Variants in CDH4 observed in about 807,000 individuals in gnomAD.
CDH4 encodes cadherin-4.
In CDH4, 33 loss-of-function variants were observed where a neutral mutation model predicts 86.0. The observed-to-expected ratio is 0.38, with a 90% CI of 0.29 to 0.51. The LOEUF is 0.51. Among genes scored for constraint, CDH4 ranks in the 20% least tolerant of loss-of-function variants. The pLI is 0.86. For missense variants in CDH4, 1,114 were observed against 1,307.4 expected, an observed-to-expected ratio of 0.85 and a Z score of 2.28; for synonymous variants, 555 against 549.4, an observed-to-expected ratio of 1.01 and a Z score of -0.14.
intron 9 of CDH4, among the ~76,000 whole-genome samples, chr20:61,910,858 C>T (rs1891920984): frequency 6.6e-6 from 1 of 152,168 alleles, no homozygotes; most frequent in Admixed American, 6.5e-5. Context: ...TATATTCACT[C>T]CCACCCCCTA....
intron 2 of CDH4, among the ~76,000 whole-genome samples, chr20:61,301,959 C>CA (rs2084388377): frequency 1.3e-5 from 2 of 152,250 alleles, no homozygotes; most frequent in Non-Finnish European, 2.9e-5. Context: ...TTACGCCATA[C>CA]TTCCGTTGCT....
intron 2 of CDH4, among the ~76,000 whole-genome samples, chr20:61,358,842 C>A (rs548483483): frequency 2.0e-5 from 3 of 152,148 alleles, no homozygotes; most frequent in Non-Finnish European, 4.4e-5. Context: ...CCACGGAAAC[C>A]GTTCCCTCTA....
chr20:61,749,048 C>A (rs1324979180), intron 3 of CDH4, among the ~76,000 whole-genome samples: 1 of 148,692 alleles, frequency 6.7e-6, no homozygotes, highest in Non-Finnish European at 1.5e-5. Flanking sequence ...GAAATAAATA[C>A]CATGCAAGTA....
intron 2 of CDH4, among the ~76,000 whole-genome samples, chr20:61,345,208 G>T (rs2084671699): frequency 6.6e-6 from 1 of 152,194 alleles, no homozygotes; most frequent in Non-Finnish European, 1.5e-5. Context: ...CTCACTGCTG[G>T]CATGTTTGCA....
At position 61,703,926 on chromosome 20, in the gene CDH4, G is replaced by A. The variant is rs957792040; in HGVS notation, c.170-39637G>A. ...TTAAATTTTTCCAATAAAATGAAAA[G>A]GTTGAGCTGGAGCAGAGGCAGGGGT... On this transcript the variant is annotated intron_variant, in intron 2 of 15. Transcript: ENST00000614565. The surrounding 1 kb of genome is among the most constrained non-coding windows in gnomAD (Gnocchi z 4.3). 6.6e-6 allele frequency among the ~76,000 whole-genome samples: 1 copy of A among 152,168 alleles called. No individual in the cohort carries two copies. The highest frequency in any genetic ancestry group is 6.5e-5 in the Admixed American group (1 of 15,284).
chr20:61,736,662 GGAGA>G (rs1242170000), intron 2 of CDH4, among the ~76,000 whole-genome samples: 1 of 77,116 alleles, frequency 1.3e-5, no homozygotes, highest in African/African-American at 5.1e-5. Context: ...AGAGAGAGAG[GGAGA>G]GAGAGGGAGA....
chr20:61,732,179 A>G (rs2088198262), intron 2 of CDH4, among the ~76,000 whole-genome samples: 1 of 152,204 alleles, frequency 6.6e-6, no homozygotes, highest in Non-Finnish European at 1.5e-5. Context: ...TGTACAAAAT[A>G]TGCATATGCG....
chr20:61,913,699 G>A (rs2054875562), intron 9 of CDH4, among the ~76,000 whole-genome samples: 1 of 152,226 alleles, frequency 6.6e-6, no homozygotes, highest in Non-Finnish European at 1.5e-5. Context: ...CTCCTGAGAA[G>A]GCCGCTGGGA....
intron 2 of CDH4, among the ~76,000 whole-genome samples, chr20:61,312,550 C>T (rs1226309581): frequency 6.6e-6 from 1 of 152,078 alleles, no homozygotes; most frequent in East Asian, 1.9e-4. Context: ...CTTGCCCCTG[C>T]AGTCCCCACC....
rs563154833 is a variant in CDH4, at chr20:61,917,434, G to C, written c.1375-6017G>C. On this transcript the variant is annotated intron_variant, in intron 9 of 15. Transcript: ENST00000614565. ...TTTTAAAGCTAAAAAGCCAAGAACCGGCCTCTGCCACTTCCCCTTCGGGCA... is the reference window on the plus strand; with the variant it reads ...TTTTAAAGCTAAAAAGCCAAGAACCCGCCTCTGCCACTTCCCCTTCGGGCA... 3.9e-5 allele frequency among the ~76,000 whole-genome samples: 6 copies of C among 152,338 alleles called. No homozygotes were observed. In the East Asian group the frequency reaches 5.8e-4, roughly 15 times the overall value.
intron 2 of CDH4, among the ~76,000 whole-genome samples, chr20:61,577,054 G>C (rs768839149): frequency 2.0e-5 from 3 of 152,262 alleles, no homozygotes; most frequent in Non-Finnish European, 4.4e-5. Context: ...TGTTTTGTGT[G>C]TTAAAGGATG....
At chr20:61,814,401 A>T (rs896673753) in intron 4 of CDH4, among the ~76,000 whole-genome samples, 24 of 152,210 alleles carry the variant, frequency 1.6e-4, no homozygotes, top group African/African-American at 4.8e-4. Context: ...AGGCTGGCAG[A>T]TCTGCCCAGG....
chr20:61,562,268 G>C (rs141666160), intron 2 of CDH4, among the ~76,000 whole-genome samples: 4 of 88,700 alleles, frequency 4.5e-5, no homozygotes, highest in African/African-American at 6.1e-5. Flanking sequence ...AGGGACCTCC[G>C]TGTGGAGAGG....
At position 61,687,451 on chromosome 20, in the gene CDH4, CT is replaced by C. The variant is rs752682856; in HGVS notation, c.170-56111del. The stretch of plus-strand genomic sequence containing the variant: ...GGGCGCCCCCGGGGACCCACAGACA[CT>C]GCCTCCTCAGCCACAGCCTGGGCGG... On this transcript the variant is annotated intron_variant, in intron 2 of 15. Transcript: ENST00000614565. Among the ~76,000 whole-genome samples, 114 of 152,334 alleles carry C rather than the reference CT, an allele frequency of 7.5e-4. 1 individual carries two copies. Among genetic ancestry groups the C allele is most frequent in the Middle Eastern group, 6.8e-3 (2 of 294 alleles).
intron 11 of CDH4, 65 bp from the exon 12 acceptor site, chr20:61,928,124 TG>T: frequency 8.2e-7 from 1 of 1,213,176 alleles, no homozygotes; most frequent in Non-Finnish European, 1.2e-6. Context: ...GTGTCCTGTG[TG>T]GAGCTGTGGG....
chr20:61,433,888 C>T (rs909399988), intron 2 of CDH4, among the ~76,000 whole-genome samples: 53 of 152,124 alleles, frequency 3.5e-4, no homozygotes, highest in Admixed American at 7.9e-4. Flanking sequence ...TAAGATAAGA[C>T]GCTGAGTAGT....
chr20:61,921,872 T>G (rs967734656), intron 9 of CDH4, among the ~76,000 whole-genome samples: 4 of 152,212 alleles, frequency 2.6e-5, no homozygotes, highest in African/African-American at 9.6e-5. Flanking sequence ...ATCATTTTTA[T>G]TAGTTTTTGG....
At chr20:61,550,692 C>T (rs191816948) in intron 2 of CDH4, among the ~76,000 whole-genome samples, 209 of 152,352 alleles carry the variant, frequency 1.4e-3, no homozygotes, top group African/African-American at 4.4e-3. Context: ...ACAACCTGCA[C>T]CGGAGCCCTC....
At chr20:61,741,742 C>T (rs781054426) in intron 2 of CDH4, among the ~76,000 whole-genome samples, 1 of 152,144 alleles carries the variant, frequency 6.6e-6, no homozygotes, top group Admixed American at 6.5e-5. Context: ...CCACCCTCCT[C>T]GGCCTCCCAA....
Sources: allele counts gnomAD v4.1 joint callset (sites outside exome capture counted in the v4.1 genomes callset), GRCh38; gene constraint gnomAD v4.1.1; non-coding constraint Gnocchi (gnomAD v3.1); transcripts MANE v1.5; gene names NCBI Gene and HGNC (gene_info 2026-07-23, HGNC 2026-07-21).